The following ARHGAP6 variants were observed in gnomAD, a reference collection of about 807,000 sequenced individuals.
ARHGAP6 encodes rho GTPase-activating protein 6.
ARHGAP6 carries 16 observed loss-of-function variants against 55.7 expected under a neutral mutation model. That is an observed-to-expected ratio of 0.29 (90% CI 0.19 to 0.44). The LOEUF is 0.44. ARHGAP6 is among the 20% of genes least tolerant of loss of function. The pLI, the probability that ARHGAP6 is intolerant of heterozygous loss-of-function variation, is 1.00. For missense variants in ARHGAP6, 698 were observed against 808.9 expected (o/e 0.86, Z 1.66); for synonymous variants, 382 against 360.9 (o/e 1.06, Z -0.66).
At chrX:11,490,665 T>A (rs2050558462) in intron 1 of ARHGAP6, among the ~76,000 whole-genome samples, 1 of 112,329 alleles carries the variant, frequency 8.9e-6, no homozygotes, top group African/African-American at 3.2e-5. Context: ...CAAACTGCAA[T>A]TCGTTTCCAG....
chrX:11,539,520 C>A (rs2051135940), intron 1 of ARHGAP6, among the ~76,000 whole-genome samples: 1 of 111,983 alleles, frequency 8.9e-6, no homozygotes, highest in African/African-American at 3.3e-5. Flanking sequence ...GCCTACCCTG[C>A]TGAATGACAG....
chrX:11,400,721 A>C (rs1168396960), intron 1 of ARHGAP6, among the ~76,000 whole-genome samples: 1 of 111,698 alleles, frequency 9.0e-6, no homozygotes, highest in Non-Finnish European at 1.9e-5. Context: ...ATATTTCAGC[A>C]TTATACTCTT....
intron 1 of ARHGAP6, among the ~76,000 whole-genome samples, chrX:11,321,462 A>T (rs1486547218): frequency 1.8e-5 from 2 of 112,066 alleles, no homozygotes; most frequent in African/African-American, 6.5e-5. Flanking sequence ...AGTGCAATAA[A>T]TGCTACTCAC....
intron 4 of ARHGAP6, among the ~76,000 whole-genome samples, chrX:11,187,610 C>G (rs1398475691): frequency 8.9e-6 from 1 of 111,797 alleles, no homozygotes; most frequent in Non-Finnish European, 1.9e-5. Context: ...GATCAGGTCC[C>G]CCTCTACCTT....
chrX:11,358,440 T>C (rs111381631), intron 1 of ARHGAP6, among the ~76,000 whole-genome samples: 5,794 of 53,462 alleles, frequency 0.11, 198 homozygotes, highest in African/African-American at 0.21. Flanking sequence ...TATCTTTCTT[T>C]CTTTCTTTCT....
At chrX:11,591,154 T>C (rs941204187) in intron 1 of ARHGAP6, among the ~76,000 whole-genome samples, 2 of 108,276 alleles carry the variant, frequency 1.8e-5, no homozygotes, top group Admixed American at 9.9e-5. Flanking sequence ...ATCGCACCAC[T>C]GCACTCCAGC....
rs752750337 is a variant in ARHGAP6 at position 11,366,650 on chromosome X, C to T, written c.589-111943G>A. Among the ~76,000 whole-genome samples, 9 of 111,749 alleles carry T rather than the reference C, an allele frequency of 8.1e-5. No individual in the cohort carries two copies. The East Asian group carries it at 8.5e-4, about 11-fold the overall frequency. ...AGCTAGTTAGCATCAAGTCTACAGC[C>T]TGGTAAATGTCGAATGTTACTAGAG... On this transcript the variant is annotated intron_variant, in intron 1 of 12. Transcript: ENST00000337414.
chrX:11,651,916 G>T (rs911759406), intron 1 of ARHGAP6, among the ~76,000 whole-genome samples: 2 of 112,199 alleles, frequency 1.8e-5, no homozygotes, highest in African/African-American at 6.5e-5. Context: ...TCATAGGATT[G>T]TTGGCCACAT....
chrX:11,468,175 T>C lies in ARHGAP6; in HGVS notation c.588+196066A>G, dbSNP rs745494829. Among the ~76,000 whole-genome samples, 7 of 111,374 alleles carry C rather than the reference T, an allele frequency of 6.3e-5. No individual in the cohort carries two copies. In the East Asian group the frequency reaches 1.7e-3, roughly 27 times the overall value. On this transcript the variant is annotated intron_variant, in intron 1 of 12. Coordinates refer to ENST00000337414, the MANE Select transcript of ARHGAP6 (RefSeq NM_013427.3). Reference sequence around the variant, plus strand: ...TCTATTTCTTGATCAGGGTGCTAGTTATATGACTGTTATTACTTGGTGCAA... The same window carrying C: ...TCTATTTCTTGATCAGGGTGCTAGTCATATGACTGTTATTACTTGGTGCAA...
chrX:11,260,870 T>G (rs1455518998), intron 1 of ARHGAP6, among the ~76,000 whole-genome samples: 2 of 111,658 alleles, frequency 1.8e-5, no homozygotes, highest in South Asian at 3.8e-4. Context: ...CTACACATAT[T>G]TGTGTAGCAT....
intron 1 of ARHGAP6, among the ~76,000 whole-genome samples, chrX:11,436,891 A>AG (rs765574796): frequency 1.1e-5 from 1 of 89,755 alleles, no homozygotes; most frequent in Admixed American, 1.3e-4. Flanking sequence ...TGAGGAGTTG[A>AG]GGGGGGGATA....
intron 2 of ARHGAP6, among the ~76,000 whole-genome samples, chrX:11,229,555 G>A (rs751272026): frequency 3.2e-4 from 36 of 112,135 alleles, no homozygotes; most frequent in Non-Finnish European, 6.6e-4. Context: ...AAGTATGCAT[G>A]CATCTAAAAT....
At chrX:11,514,571 G>A (rs1034601097) in intron 1 of ARHGAP6, among the ~76,000 whole-genome samples, 1 of 110,164 alleles carries the variant, frequency 9.1e-6, no homozygotes, top group Non-Finnish European at 1.9e-5. Context: ...AATGTCCCCT[G>A]AGAAGACAAA....
chrX:11,576,635 T>C (rs1330535660), intron 1 of ARHGAP6, among the ~76,000 whole-genome samples: 1 of 112,308 alleles, frequency 8.9e-6, no homozygotes, highest in Non-Finnish European at 1.9e-5. Flanking sequence ...TTAGGAAGTG[T>C]CTTAATTTGG....
chrX:11,219,190 A>G lies in ARHGAP6; in HGVS notation c.749-22194T>C, dbSNP rs1291712358. Among the ~76,000 whole-genome samples, 3 of 100,983 alleles carry G rather than the reference A, an allele frequency of 3.0e-5. No homozygotes were observed. The East Asian group carries it at 9.5e-4, about 32-fold the overall frequency. 87.7% of individuals were successfully genotyped at this position (100,983 alleles called of 115,157 possible). On this transcript the variant is annotated intron_variant, in intron 2 of 12. Transcript: ENST00000337414. ...ACTGAGAATGATGATTTCCAATTTC[A>G]TCCATGTCCCTACAAAGGACATGAA...
At chrX:11,374,555 A>T (rs543236743) in intron 1 of ARHGAP6, among the ~76,000 whole-genome samples, 19 of 112,275 alleles carry the variant, frequency 1.7e-4, no homozygotes, top group African/African-American at 5.8e-4. Context: ...AGAAGTAGGC[A>T]ATCTAATACC....
At chrX:11,174,629 T>TTC (rs1236496277) in intron 8 of ARHGAP6, among the ~76,000 whole-genome samples, 43 of 24,723 alleles carry the variant, frequency 1.7e-3, no homozygotes, top group African/African-American at 2.0e-3. Flanking sequence ...TTTCTTTTCT[T>TTC]TCTTTCTTTC....
intron 1 of ARHGAP6, among the ~76,000 whole-genome samples, chrX:11,278,268 G>T (rs947648924): frequency 6.3e-5 from 7 of 111,661 alleles, no homozygotes; most frequent in East Asian, 5.6e-4. Flanking sequence ...CCTTGAGAGG[G>T]GGACAGAAGT....
chrX:11,429,095 T>C, intron 1 of ARHGAP6, among the ~76,000 whole-genome samples: 1 of 112,463 alleles, frequency 8.9e-6, no homozygotes, highest in Non-Finnish European at 1.9e-5. Context: ...ACAAACCAAC[T>C]GTAGTCTGTG....
Sources: gnomAD v4.1 joint callset for allele counts (sites outside exome capture counted in the v4.1 genomes callset) on GRCh38, gnomAD v4.1.1 for gene constraint, MANE v1.5 for transcripts, NCBI Gene and HGNC (gene_info 2026-07-23, HGNC 2026-07-21) for gene names.